Variants in ATG2B observed in about 807,000 individuals in gnomAD.
ATG2B encodes autophagy-related protein 2 homolog B.
A neutral mutation model predicts 241.3 loss-of-function variants in ATG2B; 121 were observed. The observed-to-expected ratio is 0.50, with a 90% CI of 0.43 to 0.58. ATG2B has a LOEUF of 0.58. Ranked by LOEUF, ATG2B falls within the 20% of genes least tolerant of loss-of-function variation. The pLI, the probability that ATG2B is intolerant of heterozygous loss-of-function variation, is 0.00. For synonymous variants in ATG2B, 858 were observed against 876.6 expected, an observed-to-expected ratio of 0.98 and a Z score of 0.37; for missense variants, 2,306 against 2,491.6, an observed-to-expected ratio of 0.93 and a Z score of 1.59.
rs1013280234 is a variant in ATG2B, at chr14:96,285,874, C to T, written c.6118G>A (p.Val2040Met). Residue 2040 changes from valine (V) to methionine (M), a missense_variant, in exon 42 of 42, where the codon GTG becomes ATG. Coordinates refer to ENST00000359933, the MANE Select transcript of ATG2B (RefSeq NM_018036.7). The surrounding 1 kb of genome is among the most constrained non-coding windows in gnomAD (Gnocchi z 4.2). The stretch of plus-strand genomic sequence containing the variant: ...TCTGTGGCAACAATCAGAGGTTTCA[C>T]CACTGCCGGAGGAATCTGGCGCAGA... ...EVLRQIPPAV[V>M]KPLIVATEAT... 3.1e-6 allele frequency: 5 copies of T among 1,614,140 alleles called. No individual in the cohort carries two copies. The highest frequency in any genetic ancestry group is 1.7e-4 in the Middle Eastern group (1 of 6,032).
intron 26 of ATG2B, 126 bp from the exon 27 acceptor site, chr14:96,311,744 G>T: frequency 1.6e-6 from 1 of 619,706 alleles, no homozygotes; most frequent in Non-Finnish European, 2.8e-6. Context: ...TAATTATAAT[G>T]CAATGAAAAT....
At chr14:96,299,925 T>A (rs1322357292) in intron 34 of ATG2B, among the ~76,000 whole-genome samples, 10 of 152,200 alleles carry the variant, frequency 6.6e-5, no homozygotes, top group Admixed American at 6.5e-4. Flanking sequence ...AACAAAAATA[T>A]TTGATTTTCT....
At chr14:96,355,996 C>T (rs1177287380) in intron 1 of ATG2B, among the ~76,000 whole-genome samples, 2 of 151,936 alleles carry the variant, frequency 1.3e-5, no homozygotes, top group African/African-American at 4.8e-5. Flanking sequence ...TGGTGAAACC[C>T]CGTCTCTACT....
chr14:96,290,987 C>A lies in ATG2B; in HGVS notation c.5580-52G>T. The A allele has an allele frequency of 2.0e-6, 3 of 1,465,696 alleles. No individual in the cohort carries two copies. Among genetic ancestry groups the A allele is most frequent in the East Asian group, 2.4e-5 (1 of 41,214 alleles). The allele number at this position is 1,465,696 out of a possible 1,614,324, so 90.8% of individuals were successfully genotyped here. On this transcript the variant is annotated intron_variant, in intron 38 of 41. Coordinates refer to ENST00000359933, the MANE Select transcript of ATG2B (RefSeq NM_018036.7). The surrounding 1 kb of genome is among the most constrained non-coding windows in gnomAD (Gnocchi z 4.4). The stretch of plus-strand genomic sequence containing the variant: ...AAAAGGAGAAATACATTTATAGACA[C>A]AGATTAGTTTGAGGGTTTTTTTTTA...
chr14:96,347,927 G>C (rs1287011057), intron 1 of ATG2B, among the ~76,000 whole-genome samples: 2 of 152,098 alleles, frequency 1.3e-5, no homozygotes, highest in African/African-American at 4.8e-5. Flanking sequence ...CAATTTGGAG[G>C]TTCCTCAAAA....
chr14:96,318,744 C>T (rs1887381458), intron 18 of ATG2B, among the ~76,000 whole-genome samples: 1 of 152,112 alleles, frequency 6.6e-6, no homozygotes, highest in Non-Finnish European at 1.5e-5. Flanking sequence ...CCTGTCCTAG[C>T]CTCCTCCCCT....
chr14:96,309,320 G>C, intron 29 of ATG2B, 133 bp downstream of exon 29: 1 of 1,138,370 alleles, frequency 8.8e-7, no homozygotes, highest in Non-Finnish European at 1.2e-6. Context: ...GTAGACACAA[G>C]CTGAATGATT....
At chr14:96,287,209 A>C (rs1233123385) in intron 41 of ATG2B, among the ~76,000 whole-genome samples, 2 of 132,776 alleles carry the variant, frequency 1.5e-5, no homozygotes, top group Non-Finnish European at 3.1e-5. Context: ...AGCCGAGATC[A>C]TGCCACTGCA....
rs1888715278 is a variant in ATG2B at position 96,362,939 on chromosome 14, G to A, written c.38C>T (p.Ala13Val). Residue 13 changes from alanine (A) to valine (V), a missense_variant, in exon 1 of 42, where the codon GCC becomes GTC. Around this residue, in one of 2 missense-constraint regions of ATG2B, gnomAD observed 1,927 missense variants for 2,011.2 expected, o/e 0.96. Coordinates refer to ENST00000359933, the MANE Select transcript of ATG2B (RefSeq NM_018036.7). ...GTACCTCTGCAGGAGGTACCGGCAG[G>A]CCCTCTTCTTGATGGACTCCGAAAA... ...WPFSESIKKRACRYLLQRYLG... is the reference protein window; with the variant it reads ...WPFSESIKKRVCRYLLQRYLG... 6.2e-7 allele frequency: 1 copy of A among 1,613,580 alleles called. No individual in the cohort carries two copies. Among genetic ancestry groups the A allele is most frequent in the Non-Finnish European group, 8.5e-7 (1 of 1,179,940 alleles).
intron 29 of ATG2B, among the ~76,000 whole-genome samples, chr14:96,308,048 G>A (rs759136472): frequency 1.4e-4 from 21 of 150,410 alleles, no homozygotes; most frequent in Non-Finnish European, 2.7e-4. Flanking sequence ...ATCCTTACAG[G>A]TACCCAGGGC....
chr14:96,291,816 T>TA (rs1886492740), intron 37 of ATG2B, 134 bp from the exon 38 acceptor site: 1 of 665,646 alleles, frequency 1.5e-6, no homozygotes, highest in African/African-American at 1.8e-5. Flanking sequence ...ACAGTAAAAA[T>TA]ATATATCTTA....
At chr14:96,327,737 G>A (rs985635505) in intron 14 of ATG2B, among the ~76,000 whole-genome samples, 1 of 152,146 alleles carries the variant, frequency 6.6e-6, no homozygotes, top group African/African-American at 2.4e-5. Context: ...GGTGTGACAA[G>A]TTTATGTAAA....
At chr14:96,313,585 TG>T in intron 23 of ATG2B, 150 bp from the exon 24 acceptor site, 3 of 513,974 alleles carry the variant, frequency 5.8e-6, no homozygotes, top group Non-Finnish European at 1.0e-5. Flanking sequence ...ATCATCATTT[TG>T]AAGGAATTAG....
chr14:96,312,205 A>C, intron 25 of ATG2B, 46 bp from the exon 26 acceptor site: 1 of 1,352,186 alleles, frequency 7.4e-7, no homozygotes, highest in Non-Finnish European at 1.0e-6. Context: ...CTAAGCTTTG[A>C]GTATCATACC....
chr14:96,359,061 T>A (rs1395694735), intron 1 of ATG2B, among the ~76,000 whole-genome samples: 1 of 152,130 alleles, frequency 6.6e-6, no homozygotes. Flanking sequence ...AATCGAAACA[T>A]TCTTAAACTG....
rs1217985198 is a variant in ATG2B, at chr14:96,332,414, TA to T, written c.1363-5del. ...ACTCTCCCCAAGTGGGCTGAAGCTA[TA>T]AAAGATTTTTTTTAAGCACATGAAT... is the stretch of plus-strand genomic sequence containing the variant. On this transcript the variant is annotated splice_polypyrimidine_tract_variant and splice_region_variant and intron_variant, in intron 9 of 41. Transcript: ENST00000359933. The T allele has an allele frequency of 6.2e-7, 1 of 1,613,308 alleles. No individual in the cohort carries two copies. Among genetic ancestry groups the T allele is most frequent in the African/African-American group, 1.3e-5 (1 of 74,928 alleles).
At chr14:96,291,074 AT>A (rs551131920) in intron 38 of ATG2B, 139 bp from the exon 39 acceptor site, 9 of 691,256 alleles carry the variant, frequency 1.3e-5, no homozygotes, top group Non-Finnish European at 2.1e-5. Context: ...AACAGGTAAC[AT>A]TTTTCAAATC....
In ATG2B at chr14:96,280,471, C is replaced by G. The variant is rs147112707; in HGVS notation, c.*5284G>C. On this transcript the variant is annotated 3_prime_UTR_variant, in exon 42 of 42. Coordinates refer to ENST00000359933, the MANE Select transcript of ATG2B (RefSeq NM_018036.7). ...TAAGCATCTCACAATTGTCCCCATC[C>G]CTTTTTTCAACAAGAGCCATGGGTG... 0.011 allele frequency: 1,705 copies of G among 152,288 alleles called. 15 individuals are homozygous for G. Among genetic ancestry groups the G allele is most frequent in the Non-Finnish European group, 0.018 (1,199 of 68,012 alleles). 9.4% of individuals were successfully genotyped at this position (152,288 alleles called of 1,614,324 possible).
chr14:96,326,174 C>T (rs1007734552), intron 14 of ATG2B, among the ~76,000 whole-genome samples: 1 of 151,980 alleles, frequency 6.6e-6, no homozygotes, highest in Non-Finnish European at 1.5e-5. Flanking sequence ...AAAACTGAGC[C>T]AAAGTGAAGA....
Sources: gnomAD v4.1 joint callset for allele counts (sites outside exome capture counted in the v4.1 genomes callset) on GRCh38, gnomAD v4.1.1 for gene constraint, gnomAD v4.1.1 regional missense constraint, Gnocchi (gnomAD v3.1) non-coding constraint, MANE v1.5 for transcripts, NCBI Gene and HGNC (gene_info 2026-07-23, HGNC 2026-07-21) for gene names.